SDK1: variants seen among roughly 807,000 people sequenced by gnomAD.
SDK1 encodes the protein sidekick cell adhesion molecule 1.
SDK1 carries 157 observed loss-of-function variants against 245.5 expected under a neutral mutation model. That is an observed-to-expected ratio of 0.64 (90% confidence interval 0.56 to 0.73). The LOEUF (loss-of-function observed/expected upper bound fraction) is 0.73. SDK1 is among the 30% of genes least tolerant of loss of function. The pLI, the probability that SDK1 is intolerant of heterozygous loss-of-function variation, is 0.00. For missense variants in SDK1, 3,583 were observed against 3,002.3 expected (o/e 1.19, Z -4.52); for synonymous variants, 1,647 against 1,278.5 (o/e 1.29, Z -6.15).
At chr7:3,876,374 G>A (rs1781077588) in intron 5 of SDK1, among the ~76,000 whole-genome samples, 1 of 152,144 alleles carries the variant, frequency 6.6e-6, no homozygotes, top group Non-Finnish European at 1.5e-5. Flanking sequence ...CTGTTTTGAG[G>A]ACCTTCTACC....
intron 1 of SDK1, among the ~76,000 whole-genome samples, chr7:3,456,559 G>C (rs111699242): frequency 0.022 from 3,270 of 152,006 alleles, 127 homozygotes; most frequent in African/African-American, 0.075. Flanking sequence ...ACTTTCATTT[G>C]TTTTTAAAAA....
chr7:3,334,067 A>G (rs1406791372), intron 1 of SDK1, among the ~76,000 whole-genome samples: 1 of 152,112 alleles, frequency 6.6e-6, no homozygotes, highest in African/African-American at 2.4e-5. Flanking sequence ...GTTGGACCAT[A>G]CCATTTGTGT....
chr7:3,543,021 A>G (rs929420073), intron 1 of SDK1, among the ~76,000 whole-genome samples: 3 of 152,138 alleles, frequency 2.0e-5, no homozygotes, highest in African/African-American at 4.8e-5. Flanking sequence ...GCAAGGTTGC[A>G]TTTGTTGTTA....
chr7:3,462,711 C>T (rs904879301), intron 1 of SDK1, among the ~76,000 whole-genome samples: 1 of 152,054 alleles, frequency 6.6e-6, no homozygotes, highest in Non-Finnish European at 1.5e-5. Flanking sequence ...CATATTTTCA[C>T]CTCAAACACC....
At chr7:3,805,776 G>A (rs779486476) in intron 4 of SDK1, among the ~76,000 whole-genome samples, 5 of 152,112 alleles carry the variant, frequency 3.3e-5, no homozygotes, top group African/African-American at 1.2e-4. Flanking sequence ...ACATCATCCA[G>A]TGTATCCAAA....
intron 7 of SDK1, among the ~76,000 whole-genome samples, chr7:3,953,378 C>T (rs573722358): frequency 2.0e-4 from 30 of 152,292 alleles, no homozygotes; most frequent in African/African-American, 7.0e-4. Flanking sequence ...TCCAAGGAAG[C>T]CGGCTTTGAG....
At position 3,871,776 on chromosome 7, in the gene SDK1, A is replaced by G. The variant is rs146336784; in HGVS notation, c.847+50193A>G. Reference sequence around the variant, plus strand: ...CCCCATGACCCCAACGCCACCCACCAGGCCCCACCTCCAACACTGGGGATC... The same window carrying G: ...CCCCATGACCCCAACGCCACCCACCGGGCCCCACCTCCAACACTGGGGATC... On this transcript the variant is annotated intron_variant, in intron 5 of 44. Coordinates refer to ENST00000404826, the MANE Select transcript of SDK1 (RefSeq NM_152744.4). Among the ~76,000 whole-genome samples the G allele has an allele frequency of 1.0e-3, 152 of 152,264 alleles. 2 individuals are homozygous for G. Among genetic ancestry groups the G allele is most frequent in the African/African-American group, 3.5e-3 (144 of 41,558 alleles).
chr7:3,521,627 C>G (rs542310980), intron 1 of SDK1, among the ~76,000 whole-genome samples: 1 of 152,202 alleles, frequency 6.6e-6, no homozygotes, highest in South Asian at 2.1e-4. Context: ...GGAGGAAGCA[C>G]GTGAATTTCG....
chr7:3,316,498 G>C (rs1779665570), intron 1 of SDK1, among the ~76,000 whole-genome samples: 1 of 152,186 alleles, frequency 6.6e-6, no homozygotes, highest in Non-Finnish European at 1.5e-5. Flanking sequence ...GCATTTCTTA[G>C]AGCTTATCCC....
intron 25 of SDK1, among the ~76,000 whole-genome samples, chr7:4,127,076 A>G (rs1036741412): frequency 5.9e-5 from 9 of 152,166 alleles, no homozygotes; most frequent in African/African-American, 2.2e-4. Context: ...AGGATTTCCT[A>G]TTTGAGATAA....
chr7:3,392,167 T>C (rs150277037), intron 1 of SDK1, among the ~76,000 whole-genome samples: 1 of 152,176 alleles, frequency 6.6e-6, no homozygotes, highest in African/African-American at 2.4e-5. Flanking sequence ...AACCTTTGCA[T>C]AACAGACATT....
At chr7:3,659,783 A>AG (rs780541428) in intron 4 of SDK1, among the ~76,000 whole-genome samples, 2 of 152,356 alleles carry the variant, frequency 1.3e-5, no homozygotes, top group Admixed American at 1.3e-4. Context: ...TGCCCCGGCA[A>AG]GGGGGACTGG....
At chr7:4,187,479 C>A (rs1481042563) in intron 35 of SDK1, among the ~76,000 whole-genome samples, 1 of 152,220 alleles carries the variant, frequency 6.6e-6, no homozygotes, top group Non-Finnish European at 1.5e-5. Context: ...TGACCAGATA[C>A]AGGGCTCAGG....
At chr7:4,157,241 G>T (rs774188839) in intron 30 of SDK1, among the ~76,000 whole-genome samples, 21 of 151,660 alleles carry the variant, frequency 1.4e-4, no homozygotes, top group Non-Finnish European at 2.6e-4. Flanking sequence ...ATGTGGAGTA[G>T]CTGGACGGAC....
chr7:3,958,551 G>A (rs1781437215), intron 7 of SDK1, among the ~76,000 whole-genome samples: 1 of 152,154 alleles, frequency 6.6e-6, no homozygotes, highest in African/African-American at 2.4e-5. Context: ...ACCTTCCTCG[G>A]GCACTTGACA....
chr7:3,445,158 T>A (rs1161284429), intron 1 of SDK1, among the ~76,000 whole-genome samples: 1 of 152,150 alleles, frequency 6.6e-6, no homozygotes, highest in Non-Finnish European at 1.5e-5. Flanking sequence ...CTAGCTGCAT[T>A]TATATTAAAA....
intron 1 of SDK1, among the ~76,000 whole-genome samples, chr7:3,456,724 TCTCA>T (rs767934093): frequency 1.3e-5 from 2 of 152,204 alleles, no homozygotes; most frequent in Non-Finnish European, 2.9e-5. Context: ...GCTAGCTTTT[TCTCA>T]CTCAAGTTGT....
At chr7:3,887,508 G>C (rs191286380) in intron 5 of SDK1, among the ~76,000 whole-genome samples, 31 of 152,214 alleles carry the variant, frequency 2.0e-4, no homozygotes, top group Middle Eastern at 6.8e-3. Context: ...ATTTCTGAAA[G>C]GCTGGAAGAA....
intron 1 of SDK1, among the ~76,000 whole-genome samples, chr7:3,346,829 T>TATATA (rs1780520050): frequency 9.7e-5 from 7 of 71,878 alleles, no homozygotes; most frequent in Non-Finnish European, 1.7e-4. Context: ...ATATATATAT[T>TATATA]TTTTTTTTTT....
Sources: gnomAD v4.1 joint callset for allele counts (sites outside exome capture counted in the v4.1 genomes callset) on GRCh38, gnomAD v4.1.1 for gene constraint, MANE v1.5 for transcripts, NCBI Gene and HGNC (gene_info 2026-07-23, HGNC 2026-07-21) for gene names.